UROS: variants seen among roughly 807,000 people sequenced by gnomAD.
UROS encodes uroporphyrinogen-III synthase.
In UROS, 18 loss-of-function variants were observed where a neutral mutation model predicts 33.0. That is an observed-to-expected ratio of 0.55 (90% CI 0.38 to 0.81). UROS has a LOEUF of 0.81. Ranked by LOEUF, UROS falls within the 30% of genes least tolerant of loss-of-function variation. The pLI is 0.00. For missense variants in UROS, 293 were observed against 314.9 expected (o/e 0.93, Z 0.53); for synonymous variants, 114 against 121.1 (o/e 0.94, Z 0.38).
chr10:125,802,556 A>C (rs911621377), intron 6 of UROS: 4 of 1,008,130 alleles, frequency 4.0e-6, no homozygotes, highest in Non-Finnish European at 4.7e-6. Context: ...GCCTCTTCCG[A>C]GAACACCATG....
At chr10:125,802,856 C>A in intron 6 of UROS, 1 of 1,524,462 alleles carries the variant, frequency 6.6e-7, no homozygotes, top group Non-Finnish European at 8.8e-7. Context: ...GAGGTCCCAG[C>A]AGCCCCTTTC....
At chr10:125,804,505 G>C (rs1852141289) in intron 6 of UROS, among the ~76,000 whole-genome samples, 1 of 152,162 alleles carries the variant, frequency 6.6e-6, no homozygotes, top group African/African-American at 2.4e-5. Context: ...ACCTGAGTAG[G>C]GAGTCGTGAG....
At chr10:125,793,371 T>C (rs1021004388) in intron 9 of UROS, 4 of 151,982 alleles carry the variant, frequency 2.6e-5, no homozygotes, top group African/African-American at 4.8e-5. Flanking sequence ...AGGTGGGGAC[T>C]CCTCCTACAG....
intron 6 of UROS, chr10:125,802,451 A>G: frequency 4.1e-6 from 4 of 986,766 alleles, no homozygotes; most frequent in Non-Finnish European, 4.8e-6. Context: ...AGAAAGCAAC[A>G]CGTTGGCCAT....
rs149310255 is a variant in UROS, at chr10:125,810,839, T to C, written c.319+1375A>G. ...TTCAAAGTTGGGTGATTGACTTTCA[T>C]GTCAAGGAAAAATGTGGTTTCCTTT... On this transcript the variant is annotated intron_variant, in intron 5 of 9. Coordinates refer to ENST00000368797, the MANE Select transcript of UROS (RefSeq NM_000375.3). 1.1e-3 allele frequency among the ~76,000 whole-genome samples: 170 copies of C among 152,360 alleles called. No homozygotes were observed. In the East Asian group the frequency reaches 0.029, roughly 26 times the overall value.
intron 7 of UROS, among the ~76,000 whole-genome samples, chr10:125,796,561 AG>A (rs1851383595): frequency 6.6e-6 from 1 of 152,232 alleles, no homozygotes; most frequent in South Asian, 2.1e-4. Flanking sequence ...CAGCAAGTGT[AG>A]GAAGGGCAGC....
chr10:125,797,980 C>T lies in UROS; in HGVS notation c.475+85G>A, dbSNP rs1356557323. 7.9e-6 allele frequency: 12 copies of T among 1,512,690 alleles called. No individual in the cohort carries two copies. In the African/African-American group the frequency reaches 1.4e-4, roughly 17 times the overall value. 93.7% of individuals were successfully genotyped at this position (1,512,690 alleles called of 1,614,324 possible). A position where few individuals can be genotyped will look rare whatever the true frequency, so the allele number is the denominator to read the frequency against. On this transcript the variant is annotated intron_variant, in intron 7 of 9. Transcript: ENST00000368797. ...AGCCCTGCTCTCCCTTGTGTGCTCT[C>T]TGCAGGGCCACCCACTTCTATCACT... is the stretch of plus-strand genomic sequence containing the variant.
At chr10:125,819,036 G>C (rs1022276699) in intron 1 of UROS, among the ~76,000 whole-genome samples, 2 of 152,180 alleles carry the variant, frequency 1.3e-5, no homozygotes, top group African/African-American at 4.8e-5. Context: ...CCAGGCTGGA[G>C]TGCAGTGGTG....
At chr10:125,797,171 G>T (rs1017325097) in intron 7 of UROS, among the ~76,000 whole-genome samples, 1 of 152,120 alleles carries the variant, frequency 6.6e-6, no homozygotes, top group African/African-American at 2.4e-5. Context: ...TTTTAATACG[G>T]GGGGAAAGTT....
rs1287741644 is a variant in UROS, at chr10:125,815,046, T to C, written c.232A>G (p.Asn78Asp). 1 of 1,614,214 alleles carries C rather than the reference T, an allele frequency of 6.2e-7. No homozygotes were observed. The highest frequency in any genetic ancestry group is 8.5e-7 in the Non-Finnish European group (1 of 1,180,020). Residue 78 changes from asparagine to aspartate, a missense_variant, in exon 4 of 10, where the codon AAT becomes GAT. By Grantham distance (23) the Asn-to-Asp change is conservative. Coordinates refer to ENST00000368797, the MANE Select transcript of UROS (RefSeq NM_000375.3). Reference sequence around the variant, plus strand: ...GACCCACCCTCACCTTCAGTTTTATTGTTTTGCTCCAAACATAACTCTGCT... The same window carrying C: ...GACCCACCCTCACCTTCAGTTTTATCGTTTTGCTCCAAACATAACTCTGCT... ...EAAELCLEQN[N>D]KTEVWERSLK... is the part of the protein sequence containing the mutation.
chr10:125,799,354 T>C (rs1851621204), intron 6 of UROS, among the ~76,000 whole-genome samples: 2 of 152,224 alleles, frequency 1.3e-5, no homozygotes, highest in Admixed American at 1.3e-4. Flanking sequence ...AGACATATTT[T>C]CAAAGCCATG....
intron 2 of UROS, 88 bp from the exon 3 acceptor site, chr10:125,816,348 GA>G (rs1230600743): frequency 6.2e-7 from 1 of 1,602,264 alleles, no homozygotes. Context: ...CAGTTCCTCT[GA>G]GGTTTTGCAA....
rs527425921 is a variant in UROS at position 125,812,098 on chromosome 10, A to G, written c.319+116T>C. 631 of 946,014 alleles carry G rather than the reference A, an allele frequency of 6.7e-4. 5 individuals are homozygous for G. In the South Asian group the frequency reaches 8.6e-3, roughly 13 times the overall value. 58.6% of individuals were successfully genotyped at this position (946,014 alleles called of 1,614,324 possible). A position where few individuals can be genotyped will look rare whatever the true frequency, so the allele number is the denominator to read the frequency against. ...TATCAGTAGTATCGTATACTTAATT[A>G]ATTTTTGCAAATTTAATAAGCAAAA... On this transcript the variant is annotated intron_variant, in intron 5 of 9. Coordinates refer to ENST00000368797, the MANE Select transcript of UROS (RefSeq NM_000375.3).
chr10:125,794,842 G>T (rs746184872), intron 9 of UROS, 38 bp downstream of exon 9: 47 of 1,353,190 alleles, frequency 3.5e-5, no homozygotes, highest in Non-Finnish European at 4.3e-5. Context: ...AAAAAAAAAA[G>T]AATCTGAAAA....
In UROS at chr10:125,814,754, G is replaced by C. The variant is rs138071109; in HGVS notation, c.244+280C>G. Among the ~76,000 whole-genome samples, 271 of 152,286 alleles carry C rather than the reference G, an allele frequency of 1.8e-3. 2 individuals are homozygous for C. The highest frequency in any genetic ancestry group is 6.3e-3 in the African/African-American group (263 of 41,546). ...TTTTCATCATCTCTCTTTCAGGAAA[G>C]TAGTATTTATCCTATTTTCAGATGA... is the stretch of plus-strand genomic sequence containing the variant. On this transcript the variant is annotated intron_variant, in intron 4 of 9. Coordinates refer to ENST00000368797, the MANE Select transcript of UROS (RefSeq NM_000375.3).
intron 5 of UROS, among the ~76,000 whole-genome samples, chr10:125,809,730 A>T (rs1358571343): frequency 6.6e-6 from 1 of 152,132 alleles, no homozygotes; most frequent in African/African-American, 2.4e-5. Flanking sequence ...TTTGAAAAAA[A>T]TTTATTTTCA....
chr10:125,809,863 C>A (rs1325148604), intron 5 of UROS, among the ~76,000 whole-genome samples: 1 of 152,176 alleles, frequency 6.6e-6, no homozygotes, highest in Non-Finnish European at 1.5e-5. Context: ...CTGCACCCAG[C>A]CAGCATGTAC....
downstream of UROS, chr10:125,788,543 C>T (rs1444474627): frequency 8.0e-7 from 1 of 1,253,170 alleles, no homozygotes; most frequent in African/African-American, 1.5e-5. Flanking sequence ...CTGAACACAG[C>T]TTTGCACTTA....
chr10:125,815,152 A>C, intron 3 of UROS, 22 bp from the exon 4 acceptor site: 1 of 1,613,358 alleles, frequency 6.2e-7, no homozygotes, highest in Non-Finnish European at 8.5e-7. Context: ...AAAGCAATAA[A>C]GACATTTTAT....
Sources: allele counts gnomAD v4.1 joint callset (sites outside exome capture counted in the v4.1 genomes callset), GRCh38; gene constraint gnomAD v4.1.1; transcripts MANE v1.5; gene names NCBI Gene and HGNC (gene_info 2026-07-23, HGNC 2026-07-21).